Variants in ITPR1 observed in about 807,000 individuals in gnomAD.
ITPR1 encodes inositol 1,4,5-trisphosphate-gated calcium channel ITPR1.
In ITPR1, 96 loss-of-function variants were observed where a neutral mutation model predicts 318.4. The ratio of observed to expected loss-of-function variants is 0.30; its 90% CI spans 0.26 to 0.36. The LOEUF (loss-of-function observed/expected upper bound fraction) is 0.36, where lower values mean the gene tolerates loss of function less well. Ranked by LOEUF, ITPR1 falls within the 10% of genes least tolerant of loss-of-function variation. ITPR1 has a pLI of 1.00. For missense variants in ITPR1, 2,440 were observed against 3,460.2 expected, an observed-to-expected ratio of 0.71 and a Z score of 7.40; for synonymous variants, 1,312 against 1,289.9, an observed-to-expected ratio of 1.02 and a Z score of -0.37.
At chr3:4,538,759 A>G (rs1013175997) in intron 4 of ITPR1, among the ~76,000 whole-genome samples, 3 of 152,190 alleles carry the variant, frequency 2.0e-5, no homozygotes, top group Non-Finnish European at 2.9e-5. Context: ...ACATGGATGG[A>G]GCAAACTAAT....
At chr3:4,560,888 C>A (rs4685759) in intron 4 of ITPR1, among the ~76,000 whole-genome samples, 1 of 151,930 alleles carries the variant, frequency 6.6e-6, no homozygotes, top group South Asian at 2.1e-4. Context: ...GTTCTTTTAA[C>A]CTTTTGAATT....
chr3:4,618,189 T>G (rs2092460538), intron 4 of ITPR1, among the ~76,000 whole-genome samples: 1 of 152,170 alleles, frequency 6.6e-6, no homozygotes, highest in Non-Finnish European at 1.5e-5. Context: ...TTGGTCACTT[T>G]AAAATGGTTA....
chr3:4,830,348 C>T (rs1481712684), intron 60 of ITPR1, among the ~76,000 whole-genome samples: 1 of 152,016 alleles, frequency 6.6e-6, no homozygotes, highest in African/African-American at 2.4e-5. Flanking sequence ...CCAAAACCAA[C>T]AGATTCTGTG....
chr3:4,721,990 T>C (rs888251388), intron 40 of ITPR1, among the ~76,000 whole-genome samples: 3 of 152,212 alleles, frequency 2.0e-5, no homozygotes, highest in African/African-American at 7.2e-5. Context: ...GATAAAATGC[T>C]GGGTACATTA....
intron 11 of ITPR1, among the ~76,000 whole-genome samples, chr3:4,652,428 TC>T (rs2093616938): frequency 6.6e-6 from 1 of 152,180 alleles, no homozygotes; most frequent in African/African-American, 2.4e-5. Flanking sequence ...GGGATGCTGA[TC>T]AAGATGTGGG....
rs575646899 is a variant in ITPR1 at position 4,825,928 on chromosome 3, C to T, written c.8028+7686C>T. Reference sequence around the variant, plus strand: ...GGGGAAAAGATGGTGGCAGCAGTGACCGGAGCCACGAAATGAGCCTGAAAA... The same window carrying T: ...GGGGAAAAGATGGTGGCAGCAGTGATCGGAGCCACGAAATGAGCCTGAAAA... On this transcript the variant is annotated intron_variant, in intron 60 of 61. Transcript: ENST00000649015. The T allele has an allele frequency of 1.6e-5, 6 of 373,656 alleles. No homozygotes were observed. In the East Asian group the frequency reaches 4.5e-4, roughly 28 times the overall value. The allele number at this position is 373,656 out of a possible 1,614,324, so 23.1% of individuals were successfully genotyped here. A position where few individuals can be genotyped will look rare whatever the true frequency, so the allele number is the denominator to read the frequency against.
At chr3:4,834,443 C>T (rs774429540) in intron 60 of ITPR1, among the ~76,000 whole-genome samples, 3 of 152,146 alleles carry the variant, frequency 2.0e-5, no homozygotes, top group Admixed American at 6.5e-5. Flanking sequence ...TAGCAGCCAC[C>T]GTGAGTATCC....
At chr3:4,660,223 G>A (rs2093802730) in intron 13 of ITPR1, among the ~76,000 whole-genome samples, 1 of 152,092 alleles carries the variant, frequency 6.6e-6, no homozygotes, top group South Asian at 2.1e-4. Flanking sequence ...ATACTAAGGA[G>A]GTTGAATCTA....
chr3:4,555,025 C>T (rs1241878620), intron 4 of ITPR1, among the ~76,000 whole-genome samples: 2 of 152,076 alleles, frequency 1.3e-5, no homozygotes, highest in African/African-American at 4.8e-5. Context: ...ACTGTACCCG[C>T]GGAATGTGTT....
chr3:4,747,089 T>A (rs2044163165), intron 44 of ITPR1, among the ~76,000 whole-genome samples: 2 of 152,306 alleles, frequency 1.3e-5, no homozygotes, highest in Admixed American at 1.3e-4. Context: ...TGGGAGGGAA[T>A]TGATCTGAGC....
chr3:4,745,185 TTTTTCTTTC>T (rs1281397415), intron 44 of ITPR1, among the ~76,000 whole-genome samples: 1 of 151,516 alleles, frequency 6.6e-6, no homozygotes, highest in Non-Finnish European at 1.5e-5. Flanking sequence ...TTCCTTCATT[TTTTTCTTTC>T]TTTTCTTTCT....
At chr3:4,581,632 A>G (rs1237039988) in intron 4 of ITPR1, among the ~76,000 whole-genome samples, 4 of 152,248 alleles carry the variant, frequency 2.6e-5, no homozygotes, top group African/African-American at 9.6e-5. Flanking sequence ...TCCACTGTAT[A>G]AAGTGCTAAA....
At chr3:4,627,997 C>CT (rs1051558030) in intron 5 of ITPR1, 119 bp downstream of exon 5, 1,276 of 594,334 alleles carry the variant, frequency 2.1e-3, no homozygotes, top group South Asian at 3.5e-3. Context: ...CAGCTTTCTA[C>CT]TTTTTTTTTC....
chr3:4,552,860 C>T (rs2085709702), intron 4 of ITPR1, among the ~76,000 whole-genome samples: 1 of 152,176 alleles, frequency 6.6e-6, no homozygotes, highest in African/African-American at 2.4e-5. Flanking sequence ...AAAGACATCA[C>T]TTTGGCATTT....
intron 4 of ITPR1, among the ~76,000 whole-genome samples, chr3:4,543,014 C>A (rs2084616191): frequency 6.6e-6 from 1 of 152,096 alleles, no homozygotes; most frequent in African/African-American, 2.4e-5. Context: ...GTCTCACTGT[C>A]ATTTTCTGTG....
chr3:4,755,674 C>T (rs1251985480), intron 44 of ITPR1, among the ~76,000 whole-genome samples: 1 of 152,210 alleles, frequency 6.6e-6, no homozygotes, highest in Admixed American at 6.5e-5. Flanking sequence ...GCCCAGTGAC[C>T]AGATTAATAA....
chr3:4,614,437 G>T (rs1210185334), intron 4 of ITPR1, among the ~76,000 whole-genome samples: 1 of 152,180 alleles, frequency 6.6e-6, no homozygotes, highest in Non-Finnish European at 1.5e-5. Flanking sequence ...TCTGTGCCAG[G>T]ATCTGTTTGA....
At chr3:4,642,018 G>A in intron 6 of ITPR1, 75 bp from the exon 7 acceptor site, 1 of 1,208,674 alleles carries the variant, frequency 8.3e-7, no homozygotes, top group East Asian at 2.6e-5. Context: ...CTACATAGTT[G>A]GTATGATTGA....
rs143460528 is a variant in ITPR1, at chr3:4,528,704, A to G, written c.163+7610A>G. Among the ~76,000 whole-genome samples, 329 of 152,278 alleles carry G rather than the reference A, an allele frequency of 2.2e-3. 1 individual carries two copies. Among genetic ancestry groups the G allele is most frequent in the African/African-American group, 7.6e-3 (317 of 41,548 alleles). ...CCTGTCTTGTTAAATAAGGCAGAAA[A>G]ATCAGTCTATTTAAGGTGCTTGTCA... On this transcript the variant is annotated intron_variant, in intron 4 of 61. Coordinates refer to ENST00000649015, the MANE Select transcript of ITPR1 (RefSeq NM_001378452.1).
Sources: gnomAD v4.1 joint callset for allele counts (sites outside exome capture counted in the v4.1 genomes callset) on GRCh38, gnomAD v4.1.1 for gene constraint, MANE v1.5 for transcripts, NCBI Gene and HGNC (gene_info 2026-07-23, HGNC 2026-07-21) for gene names.